The following BLTP1 variants were observed in gnomAD, a reference collection of about 807,000 sequenced individuals.
BLTP1 encodes fragile site-associated protein.
chr4:122,321,787 A>C, the BLTP1 span, among the ~76,000 whole-genome samples: 1 of 151,748 alleles, frequency 6.6e-6, no homozygotes, highest in East Asian at 1.9e-4. Flanking sequence ...TGTGTCTGAG[A>C]AAGTCTTCAC....
At chr4:122,188,942 T>A in the BLTP1 span, 2 of 985,094 alleles carry the variant, frequency 2.0e-6, no homozygotes, top group Non-Finnish European at 2.4e-6. Flanking sequence ...AGAAAGAGGG[T>A]TTTTCCTTTT....
the BLTP1 span, chr4:122,298,761 C>T: frequency 1.6e-6 from 1 of 618,656 alleles, no homozygotes; most frequent in South Asian, 7.2e-5. Context: ...AGGAATGATT[C>T]GAACTGATAC....
chr4:122,310,983 T>A, the BLTP1 span: 2 of 631,764 alleles, frequency 3.2e-6, no homozygotes, highest in Non-Finnish European at 3.9e-6. Flanking sequence ...CATGGCTTTT[T>A]AAAAATCACT....
the BLTP1 span, chr4:122,208,665 C>G: frequency 2.0e-6 from 2 of 983,030 alleles, no homozygotes; most frequent in Non-Finnish European, 1.2e-6. Flanking sequence ...GTTTCTTTCC[C>G]TGATTATTTT....
the BLTP1 span, among the ~76,000 whole-genome samples, chr4:122,284,307 CT>C: frequency 6.6e-6 from 1 of 151,932 alleles, no homozygotes; most frequent in African/African-American, 2.4e-5. Flanking sequence ...TTTTTCTTGC[CT>C]TATGGTGCTT....
At chr4:122,269,822 G>A in the BLTP1 span, 2 of 364,416 alleles carry the variant, frequency 5.5e-6, no homozygotes. Context: ...GCTGTCTCTA[G>A]TAAAAGTAGC....
the BLTP1 span, among the ~76,000 whole-genome samples, chr4:122,329,700 A>G: frequency 6.6e-6 from 1 of 151,678 alleles, no homozygotes; most frequent in African/African-American, 2.4e-5. Flanking sequence ...TATTTTCCAG[A>G]TATACAATTT....
At chr4:122,316,954 CAA>C in the BLTP1 span, 1 of 868,426 alleles carries the variant, frequency 1.2e-6, no homozygotes, top group Non-Finnish European at 1.7e-6. Context: ...TGGTCTAATA[CAA>C]ACTCTTTAGT....
the BLTP1 span, chr4:122,231,641 G>A: frequency 4.2e-6 from 4 of 956,568 alleles, no homozygotes; most frequent in Non-Finnish European, 5.0e-6. Flanking sequence ...TCTTTTGCTA[G>A]TAATCAAATA....
the BLTP1 span, among the ~76,000 whole-genome samples, chr4:122,360,748 T>C: frequency 6.6e-6 from 1 of 152,238 alleles, no homozygotes; most frequent in Non-Finnish European, 1.5e-5. Flanking sequence ...TATTAACTGT[T>C]AAAATACTGC....
chr4:122,344,133 A>G, the BLTP1 span: 1 of 423,296 alleles, frequency 2.4e-6, no homozygotes, highest in Non-Finnish European at 3.2e-6. Context: ...CATATATTCC[A>G]CGTCAATTCT....
At chr4:122,160,863 T>G in the BLTP1 span, among the ~76,000 whole-genome samples, 1 of 152,016 alleles carries the variant, frequency 6.6e-6, no homozygotes, top group Non-Finnish European at 1.5e-5. Context: ...TCTTTAGAAT[T>G]GGTAACCCTA....
At chr4:122,355,874 G>A in the BLTP1 span, 1 of 1,612,716 alleles carries the variant, frequency 6.2e-7, no homozygotes, top group Non-Finnish European at 8.5e-7. Flanking sequence ...TTGTTGAGTG[G>A]ATTCAGAGGA....
the BLTP1 span, among the ~76,000 whole-genome samples, chr4:122,165,370 G>C: frequency 6.6e-6 from 1 of 151,106 alleles, no homozygotes; most frequent in South Asian, 2.1e-4. Flanking sequence ...ATGGTTTCCA[G>C]CTTCATCCAT....
chr4:122,257,494 A>G, the BLTP1 span: 1 of 1,613,888 alleles, frequency 6.2e-7, no homozygotes, highest in South Asian at 1.1e-5. Flanking sequence ...AGTTCGATGC[A>G]GGTAGTTTTG....
the BLTP1 span, among the ~76,000 whole-genome samples, chr4:122,169,068 G>T: frequency 6.6e-6 from 1 of 152,110 alleles, no homozygotes; most frequent in Middle Eastern, 3.4e-3. Context: ...CTGCCCCCAT[G>T]CCCTGAGTAG....
the BLTP1 span, chr4:122,305,315 T>C: frequency 1.0e-6 from 1 of 969,912 alleles, no homozygotes; most frequent in African/African-American, 1.8e-5. Flanking sequence ...GTTAAGTGTA[T>C]ACCTTTCCTG....
the BLTP1 span, among the ~76,000 whole-genome samples, chr4:122,201,585 C>G: frequency 6.6e-6 from 1 of 152,198 alleles, no homozygotes; most frequent in Non-Finnish European, 1.5e-5. Flanking sequence ...GGTGCTGTCA[C>G]TAGTTGGAAG....
At chr4:122,277,017 T>C in the BLTP1 span, 4 of 984,400 alleles carry the variant, frequency 4.1e-6, no homozygotes, top group Non-Finnish European at 4.8e-6. Context: ...GAAATATGTA[T>C]TTTGTGTATT....
Sources: allele counts gnomAD v4.1 joint callset (sites outside exome capture counted in the v4.1 genomes callset), GRCh38; gene constraint gnomAD v4.1.1; transcripts MANE v1.5; gene names NCBI Gene and HGNC (gene_info 2026-07-23, HGNC 2026-07-21).